ASPRV1: variants seen among roughly 807,000 people sequenced by gnomAD.
ASPRV1 encodes the protein retroviral-like aspartic protease 1.
ASPRV1 carries 7 observed loss-of-function variants against 11.0 expected under a neutral mutation model. The ratio of observed to expected loss-of-function variants is 0.64; its 90% CI spans 0.36 to 1.20. ASPRV1 has a LOEUF of 1.20. Among genes scored for constraint, ASPRV1 ranks in the 50% most tolerant of loss-of-function variants. The pLI, the probability that ASPRV1 is intolerant of heterozygous loss-of-function variation, is 0.02. For missense variants in ASPRV1, 299 were observed against 320.0 expected (o/e 0.93, Z 0.50); for synonymous variants, 136 against 138.4 (o/e 0.98, Z 0.12).
the ASPRV1 span, among the ~76,000 whole-genome samples, chr2:70,033,431 A>G: frequency 6.6e-6 from 1 of 152,010 alleles, no homozygotes; most frequent in Non-Finnish European, 1.5e-5. Context: ...TGCTTCTCAC[A>G]TTGTGTTTGT....
chr2:69,996,752 G>A, the ASPRV1 span: 1 of 456,586 alleles, frequency 2.2e-6, no homozygotes, highest in Non-Finnish European at 4.4e-6. Flanking sequence ...ATCTACCTGA[G>A]GCTGAGTCTG....
chr2:69,968,202 CTA>C, the ASPRV1 span, among the ~76,000 whole-genome samples: 29 of 152,210 alleles, frequency 1.9e-4, no homozygotes, highest in East Asian at 5.6e-3. Context: ...AAAATAAAGT[CTA>C]TTAAAATTTT....
the ASPRV1 span, chr2:70,080,883 T>G: frequency 6.6e-6 from 1 of 152,392 alleles, no homozygotes; most frequent in East Asian, 1.9e-4. Flanking sequence ...TTCCCTGTCC[T>G]CCACTTTGCA....
the ASPRV1 span, among the ~76,000 whole-genome samples, chr2:70,002,793 A>G: frequency 1.3e-5 from 2 of 152,186 alleles, no homozygotes; most frequent in Non-Finnish European, 2.9e-5. Flanking sequence ...CTCCTTTCTT[A>G]AACTGGGGGG....
chr2:70,062,634 CAG>C, the ASPRV1 span, among the ~76,000 whole-genome samples: 1 of 152,120 alleles, frequency 6.6e-6, no homozygotes, highest in Non-Finnish European at 1.5e-5. Flanking sequence ...GTAATCTAGA[CAG>C]AGCAGTCTGA....
the ASPRV1 span, among the ~76,000 whole-genome samples, chr2:70,066,168 A>G: frequency 2.6e-5 from 4 of 152,032 alleles, no homozygotes; most frequent in African/African-American, 9.6e-5. Context: ...AAATCATGCT[A>G]TTGCACTCAA....
At chr2:69,935,600 G>A in the ASPRV1 span, 3 of 653,566 alleles carry the variant, frequency 4.6e-6, no homozygotes, top group South Asian at 5.3e-5. Flanking sequence ...TACCTCAAAT[G>A]CAACATATTC....
the ASPRV1 span, among the ~76,000 whole-genome samples, chr2:69,967,569 G>A: frequency 6.6e-6 from 1 of 152,164 alleles, no homozygotes; most frequent in Non-Finnish European, 1.5e-5. Context: ...CGGAGAGATT[G>A]GGATAGTCTC....
the ASPRV1 span, among the ~76,000 whole-genome samples, chr2:70,044,786 A>G: frequency 6.6e-6 from 1 of 152,182 alleles, no homozygotes; most frequent in African/African-American, 2.4e-5. Context: ...CTCAGTAATC[A>G]TTCACTGCAG....
chr2:69,961,233 C>T lies in ASPRV1; in HGVS notation c.204G>A (p.Arg68=), dbSNP rs199781771. ...AGTCTCCCTGGTCCTGGGGACTGAG[C>T]CTATTGTAGACACCCAGGGCCTCTC... is the stretch of plus-strand genomic sequence containing the variant. ...LRGEALGVYN[R]LSPQDQGDYG... The change falls in exon 1 of 1, where the codon AGG becomes AGA. Residue 68 remains arginine, a synonymous_variant. Coordinates refer to ENST00000320256, the MANE Select transcript of ASPRV1 (RefSeq NM_152792.4). The T allele has an allele frequency of 1.9e-6, 3 of 1,613,940 alleles. No individual in the cohort carries two copies. In the African/African-American group the frequency reaches 4.0e-5, roughly 22 times the overall value.
the ASPRV1 span, among the ~76,000 whole-genome samples, chr2:69,994,997 G>C: frequency 1.3e-5 from 2 of 151,374 alleles, no homozygotes; most frequent in African/African-American, 4.9e-5. Flanking sequence ...GCGAGACTCC[G>C]TCTCAAAAAA....
the ASPRV1 span, chr2:69,942,623 C>G: frequency 6.6e-6 from 1 of 152,166 alleles, no homozygotes; most frequent in Non-Finnish European, 1.5e-5. Context: ...ACCAAACTTG[C>G]CTTTACCCCA....
chr2:69,943,897 G>GACTT, the ASPRV1 span, among the ~76,000 whole-genome samples: 3 of 152,350 alleles, frequency 2.0e-5, no homozygotes, highest in East Asian at 5.8e-4. Flanking sequence ...GTTGACCAAT[G>GACTT]ACTTCTTGTT....
chr2:69,962,621 C>A, upstream of ASPRV1: 1 of 154,390 alleles, frequency 6.5e-6, no homozygotes, highest in Non-Finnish European at 1.4e-5. Context: ...CTACAGAGGA[C>A]ATCTGTGAGT....
chr2:69,953,542 C>T, the ASPRV1 span, among the ~76,000 whole-genome samples: 99 of 152,280 alleles, frequency 6.5e-4, 1 homozygote, highest in African/African-American at 2.2e-3. Context: ...TGGGCAGTTA[C>T]GACCTGCAGG....
At chr2:69,980,104 G>A in the ASPRV1 span, among the ~76,000 whole-genome samples, 1 of 152,184 alleles carries the variant, frequency 6.6e-6, no homozygotes, top group Admixed American at 6.5e-5. Flanking sequence ...GTCTGTACAG[G>A]GAGCACGTGG....
the ASPRV1 span, among the ~76,000 whole-genome samples, chr2:69,933,314 T>C: frequency 4.6e-5 from 7 of 151,686 alleles, no homozygotes; most frequent in South Asian, 1.2e-3. Context: ...GTGTTTCTAA[T>C]AACATGATCT....
chr2:70,035,497 T>TTCAC, the ASPRV1 span, among the ~76,000 whole-genome samples: 224 of 151,982 alleles, frequency 1.5e-3, 1 homozygote, highest in Non-Finnish European at 2.9e-3. Flanking sequence ...CCACTAGTTC[T>TTCAC]TCACTCACTC....
At chr2:69,948,145 G>C in the ASPRV1 span, among the ~76,000 whole-genome samples, 1 of 152,130 alleles carries the variant, frequency 6.6e-6, no homozygotes, top group Non-Finnish European at 1.5e-5. Context: ...TACCTGGGAG[G>C]CTGAGGCAGG....
Sources: allele counts gnomAD v4.1 joint callset (sites outside exome capture counted in the v4.1 genomes callset), GRCh38; gene constraint gnomAD v4.1.1; transcripts MANE v1.5; gene names NCBI Gene and HGNC (gene_info 2026-07-23, HGNC 2026-07-21).